KANSL2: variants seen among roughly 807,000 people sequenced by gnomAD.
KANSL2 encodes NSL complex protein NSL2.
In KANSL2, 34 loss-of-function variants were observed where a neutral mutation model predicts 55.6. The ratio of observed to expected loss-of-function variants is 0.61; its 90% CI spans 0.46 to 0.81. The LOEUF is 0.81. KANSL2 is among the 40% of genes least tolerant of loss of function. The pLI is 0.00. For synonymous variants in KANSL2, 209 were observed against 214.3 expected (o/e 0.98, Z 0.22); for missense variants, 502 against 609.9 (o/e 0.82, Z 1.86).
chr12:48,656,733 T>G, intron 8 of KANSL2: 1 of 518,964 alleles, frequency 1.9e-6, no homozygotes, highest in South Asian at 1.4e-5. Flanking sequence ...TCTTAGCTCC[T>G]GTTTGAAACC....
intron 8 of KANSL2, chr12:48,658,554 G>C (rs1939432546): frequency 1.3e-5 from 2 of 152,086 alleles, no homozygotes; most frequent in South Asian, 4.1e-4. Context: ...TTAGGAGATC[G>C]AGACCAGCCT....
In KANSL2 at chr12:48,672,394, T is replaced by TATATATATATATACGTGC. The variant is rs1565608348; in HGVS notation, c.546-433_546-432insGCACGTATATATATATAT. On this transcript the variant is annotated intron_variant, in intron 4 of 9. Transcript: ENST00000420613. Reference sequence around the variant, plus strand: ...ATATATACGTATATATATATACATGTATATATATATATACGTATATATATA... The same window carrying TATATATATATATACGTGC: ...ATATATACGTATATATATATACATGTATATATATATATACGTGCATATATATATATACGTATATATATA... Among the ~76,000 whole-genome samples, 68 of 129,860 alleles carry TATATATATATATACGTGC rather than the reference T, an allele frequency of 5.2e-4. 4 individuals carry two copies. The highest frequency in any genetic ancestry group is 2.0e-3 in the African/African-American group (62 of 30,586). The allele number at this position is 129,860 out of a possible 152,430, so 85.2% of individuals were successfully genotyped here.
At chr12:48,672,431 A>ATTTTTTTT (rs1449179261) in intron 4 of KANSL2, among the ~76,000 whole-genome samples, 43 of 114,842 alleles carry the variant, frequency 3.7e-4, no homozygotes, top group African/African-American at 1.6e-3. Context: ...ATATATATAT[A>ATTTTTTTT]TATTTTTTTT....
intron 8 of KANSL2, among the ~76,000 whole-genome samples, chr12:48,656,337 G>A (rs186618162): frequency 1.3e-5 from 2 of 150,396 alleles, no homozygotes; most frequent in East Asian, 3.9e-4. Context: ...GCAGTGACGT[G>A]ATCTCGGCTC....
At chr12:48,659,660 G>A (rs1939452911) in intron 8 of KANSL2, among the ~76,000 whole-genome samples, 1 of 152,004 alleles carries the variant, frequency 6.6e-6, no homozygotes, top group Non-Finnish European at 1.5e-5. Context: ...ACTAAGCTGG[G>A]CGTGGTGGCT....
chr12:48,658,525 G>C (rs1006320048), intron 8 of KANSL2: 1 of 152,106 alleles, frequency 6.6e-6, no homozygotes, highest in African/African-American at 2.4e-5. Context: ...GGAAGCTGAG[G>C]GGAGTGGATC....
intron 8 of KANSL2, among the ~76,000 whole-genome samples, chr12:48,655,605 A>G (rs967120190): frequency 1.3e-5 from 2 of 152,076 alleles, no homozygotes; most frequent in African/African-American, 4.8e-5. Flanking sequence ...TCACAGAAAC[A>G]CAAAGTAGAA....
intron 7 of KANSL2, among the ~76,000 whole-genome samples, chr12:48,664,311 T>G (rs2137184206): frequency 6.7e-6 from 1 of 148,734 alleles, no homozygotes; most frequent in Non-Finnish European, 1.5e-5. Context: ...GAGTCTCACA[T>G]CTGTCGCCCA....
chr12:48,673,165 C>T (rs983143028), intron 4 of KANSL2, among the ~76,000 whole-genome samples: 1 of 152,148 alleles, frequency 6.6e-6, no homozygotes, highest in Non-Finnish European at 1.5e-5. Context: ...ATTTTCTTGA[C>T]AATATTCTCA....
chr12:48,672,034 A>G, intron 4 of KANSL2, 72 bp from the exon 5 acceptor site: 1 of 1,304,748 alleles, frequency 7.7e-7, no homozygotes, highest in South Asian at 1.6e-5. Flanking sequence ...AAGAGTAGAG[A>G]TGTCAGACTA....
In KANSL2 at chr12:48,666,402, A is replaced by T. The variant is rs144593516; in HGVS notation, c.973+1291T>A. Among the ~76,000 whole-genome samples, 137 of 151,996 alleles carry T rather than the reference A, an allele frequency of 9.0e-4. 1 individual carries two copies. The East Asian group carries it at 0.019, about 21-fold the overall frequency. ...ATTGACTCTACAAAAAATAAAAAAA[A>T]AAAAAATAGGCCAGGTGCAGTGGCT... On this transcript the variant is annotated intron_variant, in intron 7 of 9. Transcript: ENST00000420613.
In KANSL2 at chr12:48,677,114, A is replaced by T. The variant is rs189289064; in HGVS notation, c.545+1922T>A. 2.5e-3 allele frequency among the ~76,000 whole-genome samples: 384 copies of T among 152,314 alleles called. 3 individuals are homozygous for T. Among genetic ancestry groups the T allele is most frequent in the African/African-American group, 8.7e-3 (360 of 41,576 alleles). ...AAATTTAGTGGGTCTAAATTTTTTTAAAAAATAATCTCACTGAGGAAAATT... is the reference window on the plus strand; with the variant it reads ...AAATTTAGTGGGTCTAAATTTTTTTTAAAAATAATCTCACTGAGGAAAATT... On this transcript the variant is annotated intron_variant, in intron 4 of 9. Coordinates refer to ENST00000420613, the MANE Select transcript of KANSL2 (RefSeq NM_017822.4).
At position 48,679,634 on chromosome 12, in the gene KANSL2, TCCAGGAGA is replaced by T; in HGVS notation, c.430+13_430+20del. 1 of 1,606,808 alleles carries T rather than the reference TCCAGGAGA, an allele frequency of 6.2e-7. No individual in the cohort carries two copies. The highest frequency in any genetic ancestry group is 8.5e-7 in the Non-Finnish European group (1 of 1,175,168). On this transcript the variant is annotated intron_variant, in intron 3 of 9. Transcript: ENST00000420613. ...CTTAACTTTCTTCCTCCTTTTTCAT[TCCAGGAGA>T]GAAGGTCCTTACCTAGTATTCGGCT...
chr12:48,663,949 ACT>A (rs1483731528), intron 7 of KANSL2, among the ~76,000 whole-genome samples: 1 of 121,100 alleles, frequency 8.3e-6, no homozygotes, highest in Non-Finnish European at 1.6e-5. Flanking sequence ...ACAGAGTCTC[ACT>A]CTGTCGCCCA....
At chr12:48,671,168 G>A (rs1333444441) in intron 5 of KANSL2, among the ~76,000 whole-genome samples, 2 of 151,872 alleles carry the variant, frequency 1.3e-5, no homozygotes, top group Non-Finnish European at 2.9e-5. Flanking sequence ...GGGAGGCTGA[G>A]GTGGGAGAAC....
In KANSL2 at chr12:48,671,956, A is replaced by G. The variant is rs761139332; in HGVS notation, c.552T>C (p.Ala184=). 1.0e-5 allele frequency: 16 copies of G among 1,571,478 alleles called. No homozygotes were observed. The South Asian group carries it at 1.9e-4, about 18-fold the overall frequency. The change falls in exon 5 of 10, where the codon GCT becomes GCC. Residue 184 remains alanine, a synonymous_variant. Transcript: ENST00000420613. ...DSDQEDPLKH[A]GVYTAEEVAL... is the part of the protein sequence containing the mutation. ...CCACTTCTTCTGCTGTGTAGACACC[A>G]GCATGTCTGGAATAAAACAGAATTC...
chr12:48,678,969 C>T (rs1939872692), intron 4 of KANSL2, 67 bp downstream of exon 4: 2 of 1,105,112 alleles, frequency 1.8e-6, no homozygotes, highest in Admixed American at 1.9e-5. Flanking sequence ...AATTTATTAA[C>T]AGCATGCAGC....
chr12:48,666,489 T>A (rs890058859), intron 7 of KANSL2, among the ~76,000 whole-genome samples: 27 of 151,708 alleles, frequency 1.8e-4, no homozygotes, highest in African/African-American at 6.3e-4. Context: ...GGTCAGGAAT[T>A]TGAGACCAAC....
intron 7 of KANSL2, 167 bp downstream of exon 7, chr12:48,667,524 AAG>A (rs1279789530): frequency 2.7e-6 from 2 of 743,188 alleles, no homozygotes; most frequent in South Asian, 2.7e-5. Context: ...AGACCATAGA[AAG>A]ACAATTCTTT....
Sources: gnomAD v4.1 joint callset for allele counts (sites outside exome capture counted in the v4.1 genomes callset) on GRCh38, gnomAD v4.1.1 for gene constraint, MANE v1.5 for transcripts, NCBI Gene and HGNC (gene_info 2026-07-23, HGNC 2026-07-21) for gene names.